GALM: variants seen among roughly 807,000 people sequenced by gnomAD.
GALM encodes the protein galactose mutarotase.
In GALM, 43 loss-of-function variants were observed where a neutral mutation model predicts 37.4. The ratio of observed to expected loss-of-function variants is 1.15; its 90% confidence interval spans 0.90 to 1.48. The LOEUF is 1.48. Among genes scored for constraint, GALM ranks in the 40% most tolerant of loss-of-function variants. The pLI, the probability that GALM is intolerant of heterozygous loss-of-function variation, is 0.00. For synonymous variants in GALM, 199 were observed against 170.6 expected (o/e 1.17, Z -1.30); for missense variants, 456 against 419.1 (o/e 1.09, Z -0.77).
intron 4 of GALM, among the ~76,000 whole-genome samples, chr2:38,726,298 C>T (rs868120103): frequency 8.7e-5 from 13 of 149,994 alleles, no homozygotes; most frequent in African/African-American, 2.9e-4. Flanking sequence ...GGGATCTCGG[C>T]TCACTGCAAG....
At position 38,687,458 on chromosome 2, in the gene GALM, C is replaced by T. The variant is rs564452174; in HGVS notation, c.553-2355C>T. ...GGCATGGTGGCTCAAGTCTGTAATCCCAGCACTTTGGGAGGCCAAGGCAGG... is the reference window on the plus strand; with the variant it reads ...GGCATGGTGGCTCAAGTCTGTAATCTCAGCACTTTGGGAGGCCAAGGCAGG... On this transcript the variant is annotated intron_variant, in intron 3 of 6. Coordinates refer to ENST00000272252, the MANE Select transcript of GALM (RefSeq NM_138801.3). Among the ~76,000 whole-genome samples, 7 of 152,292 alleles carry T rather than the reference C, an allele frequency of 4.6e-5. No individual in the cohort carries two copies. The South Asian group carries it at 1.2e-3, about 27-fold the overall frequency.
intron 4 of GALM, among the ~76,000 whole-genome samples, chr2:38,706,062 G>T (rs139521763): frequency 1.5e-3 from 224 of 151,890 alleles, no homozygotes; most frequent in African/African-American, 5.2e-3. Flanking sequence ...CTGGAGTGCA[G>T]TGACACGATT....
intron 3 of GALM, 65 bp from the exon 4 acceptor site, chr2:38,689,748 A>T: frequency 1.1e-6 from 1 of 951,754 alleles, no homozygotes; most frequent in Admixed American, 2.4e-5. Context: ...TTGCAAGATA[A>T]GTTAAAAAAC....
At chr2:38,675,532 T>TG (rs1558577574) in intron 1 of GALM, among the ~76,000 whole-genome samples, 3 of 88,968 alleles carry the variant, frequency 3.4e-5, no homozygotes, top group East Asian at 4.1e-4. Context: ...TTTTGTTTTT[T>TG]TTTTTTTTTT....
chr2:38,711,287 G>A (rs1394348220), intron 4 of GALM, among the ~76,000 whole-genome samples: 1 of 151,900 alleles, frequency 6.6e-6, no homozygotes, highest in Admixed American at 6.6e-5. Flanking sequence ...AGCCTCCTGA[G>A]TAGCTGGGAT....
intron 4 of GALM, among the ~76,000 whole-genome samples, chr2:38,696,437 T>TC (rs1321871174): frequency 6.7e-6 from 1 of 149,464 alleles, no homozygotes; most frequent in East Asian, 1.9e-4. Flanking sequence ...TCTTTTCTTT[T>TC]TTTTTTTTTT....
chr2:38,710,256 C>T (rs1451770728), intron 4 of GALM, among the ~76,000 whole-genome samples: 2 of 152,124 alleles, frequency 1.3e-5, no homozygotes, highest in Non-Finnish European at 2.9e-5. Flanking sequence ...ATCAGATGGT[C>T]CTAGGTCCAC....
At chr2:38,726,268 C>A (rs1321032902) in intron 4 of GALM, among the ~76,000 whole-genome samples, 1 of 149,450 alleles carries the variant, frequency 6.7e-6, no homozygotes, top group African/African-American at 2.5e-5. Context: ...GCTCTGTCGC[C>A]CAGGCTGGAG....
At position 38,666,835 on chromosome 2, in the gene GALM, G is replaced by T. The variant is rs115821722; in HGVS notation, c.190+484G>T. On this transcript the variant is annotated intron_variant, in intron 1 of 6. Transcript: ENST00000272252. ...GGTTGTCTCAGAAATGCTCCACTAAGCTCAGTGGTTGCCTAGTACACCAGC... is the reference window on the plus strand; with the variant it reads ...GGTTGTCTCAGAAATGCTCCACTAATCTCAGTGGTTGCCTAGTACACCAGC... Among the ~76,000 whole-genome samples the T allele has an allele frequency of 5.5e-3, 840 of 152,256 alleles. 4 individuals carry two copies. The highest frequency in any genetic ancestry group is 0.019 in the African/African-American group (778 of 41,552).
At position 38,670,610 on chromosome 2, in the gene GALM, G is replaced by A. The variant is rs528491348; in HGVS notation, c.190+4259G>A. On this transcript the variant is annotated intron_variant, in intron 1 of 6. Coordinates refer to ENST00000272252, the MANE Select transcript of GALM (RefSeq NM_138801.3). The stretch of plus-strand genomic sequence containing the variant: ...CAAATGGATTGTGATGATTTAATGA[G>A]CCATGGGCTGTGATATGTGTCTAAC... Among the ~76,000 whole-genome samples, 4 of 152,286 alleles carry A rather than the reference G, an allele frequency of 2.6e-5. No homozygotes were observed. In the South Asian group the frequency reaches 8.3e-4, roughly 32 times the overall value.
At chr2:38,687,944 C>G (rs529463189) in intron 3 of GALM, among the ~76,000 whole-genome samples, 15 of 151,658 alleles carry the variant, frequency 9.9e-5, no homozygotes, top group African/African-American at 3.1e-4. Context: ...GGGCACAGTG[C>G]CTCACACCTG....
intron 3 of GALM, 118 bp from the exon 4 acceptor site, chr2:38,689,695 C>A: frequency 1.5e-6 from 1 of 650,292 alleles, no homozygotes. Flanking sequence ...GACCATCAGC[C>A]AAACAAGATT....
intron 3 of GALM, among the ~76,000 whole-genome samples, chr2:38,685,645 C>T (rs1665499490): frequency 6.6e-6 from 1 of 152,194 alleles, no homozygotes; most frequent in Admixed American, 6.5e-5. Context: ...AGTAATATTC[C>T]ACCAGAGTAG....
intron 3 of GALM, among the ~76,000 whole-genome samples, chr2:38,686,267 T>TCTTTCTTTC (rs1665527282): frequency 6.1e-4 from 58 of 94,330 alleles, no homozygotes; most frequent in African/African-American, 2.8e-3. Context: ...TTTCTTTCTT[T>TCTTTCTTTC]CTTTCTTTCT....
At chr2:38,706,447 G>T (rs977472209) in intron 4 of GALM, among the ~76,000 whole-genome samples, 1 of 149,852 alleles carries the variant, frequency 6.7e-6, no homozygotes, top group African/African-American at 2.5e-5. Context: ...GGTCGAGGCA[G>T]GTGGATTGCT....
chr2:38,716,139 A>G (rs117813748), intron 4 of GALM, among the ~76,000 whole-genome samples: 1 of 152,216 alleles, frequency 6.6e-6, no homozygotes, highest in Non-Finnish European at 1.5e-5. Context: ...TTGCCTAATC[A>G]GCCCTATTTT....
Position 38,729,717 on chromosome 2 carries a change from C to T in GALM, c.776+20C>T. On this transcript the variant is annotated intron_variant, in intron 5 of 6. Coordinates refer to ENST00000272252, the MANE Select transcript of GALM (RefSeq NM_138801.3). ...TGCAAGGTCAGGTACTTTTCACTTCCTGAGTCTGTAAGGAAGAAATGACAC... is the reference window on the plus strand; with the variant it reads ...TGCAAGGTCAGGTACTTTTCACTTCTTGAGTCTGTAAGGAAGAAATGACAC... 1 of 1,601,246 alleles carries T rather than the reference C, an allele frequency of 6.2e-7. No homozygotes were observed. The highest frequency in any genetic ancestry group is 8.5e-7 in the Non-Finnish European group (1 of 1,170,230).
chr2:38,720,105 G>A (rs1291616232), intron 4 of GALM, among the ~76,000 whole-genome samples: 1 of 152,022 alleles, frequency 6.6e-6, no homozygotes, highest in Non-Finnish European at 1.5e-5. Flanking sequence ...CTAGCTACTC[G>A]GGAGGCTGTA....
rs1372348143 is a variant in GALM at position 38,734,466 on chromosome 2, A to AAG, written c.*904_*905dup. On this transcript the variant is annotated 3_prime_UTR_variant, in exon 7 of 7. Transcript: ENST00000272252. ...GGACTTCCGAGAGGAAAAGGCCTGCAAGAGCCTTTGGGTTAACTGAGAAAG... is the reference window on the plus strand; with the variant it reads ...GGACTTCCGAGAGGAAAAGGCCTGCAAGAGAGCCTTTGGGTTAACTGAGAAAG... 1 of 151,798 alleles carries AAG rather than the reference A, an allele frequency of 6.6e-6. No individual in the cohort carries two copies. Among genetic ancestry groups the AAG allele is most frequent in the Non-Finnish European group, 1.5e-5 (1 of 68,038 alleles). The allele number at this position is 151,798 out of a possible 1,614,324, so 9.4% of individuals were successfully genotyped here. A position where few individuals can be genotyped will look rare whatever the true frequency, so the allele number is the denominator to read the frequency against.
Sources: gnomAD v4.1 joint callset for allele counts (sites outside exome capture counted in the v4.1 genomes callset) on GRCh38, gnomAD v4.1.1 for gene constraint, MANE v1.5 for transcripts, NCBI Gene and HGNC (gene_info 2026-07-23, HGNC 2026-07-21) for gene names.